The following NRG3 variants were observed in gnomAD, a reference collection of about 807,000 sequenced individuals.
The protein encoded by NRG3 is pro-neuregulin-3, membrane-bound isoform.
In NRG3, 31 loss-of-function variants were observed where a neutral mutation model predicts 66.9. The observed-to-expected ratio is 0.46, with a 90% CI of 0.35 to 0.63. The LOEUF (loss-of-function observed/expected upper bound fraction) is 0.63, where lower values mean the gene tolerates loss of function less well. Ranked by LOEUF, NRG3 falls within the 20% of genes least tolerant of loss-of-function variation. The probability of loss-of-function intolerance (pLI) is 0.00; values close to 1 mark genes in which losing one functional copy is unlikely to be tolerated. For missense variants in NRG3, 910 were observed against 878.9 expected (o/e 1.04, Z -0.45); for synonymous variants, 393 against 359.4 (o/e 1.09, Z -1.06).
intron 1 of NRG3, chr10:82,225,450 G>A (rs2076124527): frequency 6.6e-6 from 1 of 151,836 alleles, no homozygotes; most frequent in Non-Finnish European, 1.5e-5. Flanking sequence ...AGTAGAGGGT[G>A]AGAGGATGCT....
intron 1 of NRG3, among the ~76,000 whole-genome samples, chr10:82,183,941 A>G (rs1326348104): frequency 2.0e-5 from 3 of 152,070 alleles, no homozygotes; most frequent in Non-Finnish European, 4.4e-5. Flanking sequence ...TTTCCCAAGG[A>G]GTTGCCCTTG....
At chr10:82,044,508 AG>A (rs1430911126) in intron 1 of NRG3, among the ~76,000 whole-genome samples, 2 of 152,162 alleles carry the variant, frequency 1.3e-5, no homozygotes, top group East Asian at 3.9e-4. Flanking sequence ...CCACATAGAC[AG>A]CGACCCCAGC....
At chr10:82,155,375 A>G (rs900799628) in intron 1 of NRG3, among the ~76,000 whole-genome samples, 1 of 151,752 alleles carries the variant, frequency 6.6e-6, no homozygotes, top group African/African-American at 2.4e-5. Context: ...TATATTGCAG[A>G]TCACTAATAC....
At chr10:82,467,669 G>A (rs1406500036) in intron 2 of NRG3, among the ~76,000 whole-genome samples, 1 of 152,208 alleles carries the variant, frequency 6.6e-6, no homozygotes, top group Non-Finnish European at 1.5e-5. Context: ...GCACTCACTG[G>A]TGACTTGTGA....
intron 4 of NRG3, among the ~76,000 whole-genome samples, chr10:82,909,148 C>T (rs925183694): frequency 1.3e-5 from 2 of 152,226 alleles, no homozygotes; most frequent in Non-Finnish European, 2.9e-5. Flanking sequence ...GCAATTTCAC[C>T]TGCTGTATCT....
chr10:82,262,304 A>C (rs1564724767), intron 1 of NRG3, among the ~76,000 whole-genome samples: 1 of 152,192 alleles, frequency 6.6e-6, no homozygotes, highest in Non-Finnish European at 1.5e-5. Flanking sequence ...CAATCCTGAC[A>C]TGCCCATGTT....
chr10:82,860,756 C>A (rs956221162), intron 3 of NRG3, among the ~76,000 whole-genome samples: 6 of 152,184 alleles, frequency 3.9e-5, no homozygotes, highest in Non-Finnish European at 7.3e-5. Flanking sequence ...ATATGTATGT[C>A]ATAGATAAAA....
At chr10:82,883,273 A>ATT (rs1422967341) in intron 4 of NRG3, among the ~76,000 whole-genome samples, 6 of 152,058 alleles carry the variant, frequency 3.9e-5, no homozygotes, top group African/African-American at 1.4e-4. Flanking sequence ...TCAAATTCTT[A>ATT]TTTCTGTGAA....
chr10:82,661,265 G>A (rs1234383203), intron 2 of NRG3, among the ~76,000 whole-genome samples: 2 of 152,076 alleles, frequency 1.3e-5, no homozygotes, highest in Non-Finnish European at 2.9e-5. Flanking sequence ...CATGGAGACT[G>A]AATTCTATTG....
intron 2 of NRG3, among the ~76,000 whole-genome samples, chr10:82,730,434 G>A (rs182167931): frequency 5.3e-5 from 8 of 152,206 alleles, no homozygotes; most frequent in South Asian, 4.1e-4. Context: ...AGCAAGAAAC[G>A]TCAGAGTGAC....
At chr10:82,166,544 C>T (rs892563484) in intron 1 of NRG3, among the ~76,000 whole-genome samples, 2 of 151,764 alleles carry the variant, frequency 1.3e-5, no homozygotes, top group Non-Finnish European at 2.9e-5. Flanking sequence ...ATATATTTCA[C>T]TTTTGCCCAT....
intron 2 of NRG3, among the ~76,000 whole-genome samples, chr10:82,489,580 A>G (rs1301359791): frequency 6.6e-6 from 1 of 152,088 alleles, no homozygotes; most frequent in African/African-American, 2.4e-5. Context: ...TATTGTCACA[A>G]ACAGGGGGCT....
rs10547101 is a variant in NRG3, at chr10:82,957,893, C to CGTGTGTGT, written c.1158-1034_1158-1027dup. On this transcript the variant is annotated intron_variant, in intron 5 of 8. Transcript: ENST00000372141. ...TAGGTCAACACTGCAAAGAGGTGTG[C>CGTGTGTGT]GTGTGTGTGTGTGTGTGTGTGTGTG... 2.2e-3 allele frequency among the ~76,000 whole-genome samples: 327 copies of CGTGTGTGT among 149,562 alleles called. 2 individuals are homozygous for CGTGTGTGT. The highest frequency in any genetic ancestry group is 3.7e-3 in the Non-Finnish European group (249 of 67,382).
intron 2 of NRG3, among the ~76,000 whole-genome samples, chr10:82,738,151 A>G (rs868834598): frequency 3.3e-5 from 5 of 152,326 alleles, no homozygotes; most frequent in Admixed American, 2.0e-4. Context: ...GGTAGCCAAA[A>G]TCAATAATAG....
chr10:81,954,576 T>G (rs919607728), intron 1 of NRG3, among the ~76,000 whole-genome samples: 4 of 152,122 alleles, frequency 2.6e-5, no homozygotes, highest in South Asian at 2.1e-4. Flanking sequence ...ACCCCACAAT[T>G]TCCAGCTATG....
intron 2 of NRG3, among the ~76,000 whole-genome samples, chr10:82,425,854 G>A (rs891447755): frequency 5.6e-4 from 85 of 152,098 alleles, no homozygotes; most frequent in Non-Finnish European, 9.7e-4. Context: ...CATTAGCCTT[G>A]TAGTTTTTTG....
At chr10:82,913,879 A>C (rs1020835531) in intron 4 of NRG3, among the ~76,000 whole-genome samples, 41 of 151,870 alleles carry the variant, frequency 2.7e-4, no homozygotes, top group Non-Finnish European at 3.7e-4. Context: ...TTACTTCAAA[A>C]CCTTTTCTAT....
At chr10:81,968,657 T>A (rs2059818539) in intron 1 of NRG3, among the ~76,000 whole-genome samples, 1 of 152,346 alleles carries the variant, frequency 6.6e-6, no homozygotes, top group Admixed American at 6.5e-5. Context: ...ATGTCCTGAC[T>A]TACTACTTTT....
chr10:82,202,524 G>A (rs1751529718), intron 1 of NRG3, among the ~76,000 whole-genome samples: 1 of 151,938 alleles, frequency 6.6e-6, no homozygotes, highest in Admixed American at 6.6e-5. Context: ...CAATGAATAA[G>A]TGCTACTGAG....
Sources: allele counts gnomAD v4.1 joint callset (sites outside exome capture counted in the v4.1 genomes callset), GRCh38; gene constraint gnomAD v4.1.1; transcripts MANE v1.5; gene names NCBI Gene and HGNC (gene_info 2026-07-23, HGNC 2026-07-21).